SLC25A21: variants seen among roughly 807,000 people sequenced by gnomAD.
SLC25A21 encodes solute carrier family 25 member 21.
Under a neutral mutation model 43.8 loss-of-function variants are expected in SLC25A21, and 47 were observed. The ratio of observed to expected loss-of-function variants is 1.07; its 90% CI spans 0.85 to 1.37. The LOEUF is 1.37. SLC25A21 is among the 40% of genes most tolerant of loss of function. The pLI is 0.00. For missense variants in SLC25A21, 352 were observed against 350.2 expected, an observed-to-expected ratio of 1.00 and a Z score of -0.04; for synonymous variants, 131 against 121.3, an observed-to-expected ratio of 1.08 and a Z score of -0.52.
rs778987770 is a variant in SLC25A21, at chr14:36,680,645, A to ACTT, written c.*10_*12dup. The ACTT allele has an allele frequency of 6.8e-6, 11 of 1,610,852 alleles. No individual in the cohort carries two copies. The highest frequency in any genetic ancestry group is 6.7e-5 in the South Asian group (6 of 90,186). ...ATCCATTATCTCAAGGGGGAAAAAC[A>ACTT]CTTCATAGGCAATCACCAGTTCTCT... On this transcript the variant is annotated 3_prime_UTR_variant, in exon 10 of 10. Transcript: ENST00000331299.
intron 7 of SLC25A21, among the ~76,000 whole-genome samples, chr14:36,688,622 C>T (rs1308894954): frequency 2.0e-5 from 3 of 152,232 alleles, no homozygotes; most frequent in African/African-American, 4.8e-5. Context: ...CAGAACCCTA[C>T]ATTTCCAGCC....
In SLC25A21 at chr14:36,746,341, A is replaced by G. The variant is rs576118703; in HGVS notation, c.204-11768T>C. On this transcript the variant is annotated intron_variant, in intron 3 of 9. Transcript: ENST00000331299. The stretch of plus-strand genomic sequence containing the variant: ...CCACTATCCTAAAGTGGGATGACTT[A>G]GAAACAGAAAGTCAAAAAACTTCGT... 2.0e-5 allele frequency among the ~76,000 whole-genome samples: 3 copies of G among 150,368 alleles called. No individual in the cohort carries two copies. The East Asian group carries it at 6.0e-4, about 30-fold the overall frequency.
intron 3 of SLC25A21, among the ~76,000 whole-genome samples, chr14:36,806,450 T>G (rs1477842989): frequency 6.6e-6 from 1 of 152,156 alleles, no homozygotes; most frequent in African/African-American, 2.4e-5. Context: ...TTCATCACCA[T>G]ACATTGCATG....
At chr14:36,814,808 C>T (rs900000008) in intron 2 of SLC25A21, among the ~76,000 whole-genome samples, 3 of 152,270 alleles carry the variant, frequency 2.0e-5, no homozygotes, top group Non-Finnish European at 2.9e-5. Context: ...ACCCAGCAAT[C>T]CCATTACCGG....
intron 1 of SLC25A21, among the ~76,000 whole-genome samples, chr14:37,156,479 C>T (rs11849662): frequency 0.013 from 1,916 of 152,048 alleles, 36 homozygotes; most frequent in African/African-American, 0.043. Flanking sequence ...TGATACAGAA[C>T]GGCTAAACAG....
chr14:37,033,843 A>G (rs1404936261), intron 1 of SLC25A21, among the ~76,000 whole-genome samples: 1 of 152,186 alleles, frequency 6.6e-6, no homozygotes, highest in African/African-American at 2.4e-5. Context: ...AATAACATTT[A>G]CATCTCAAAG....
intron 1 of SLC25A21, among the ~76,000 whole-genome samples, chr14:37,035,451 A>C (rs1012018705): frequency 1.3e-5 from 2 of 152,272 alleles, no homozygotes; most frequent in Non-Finnish European, 2.9e-5. Context: ...CTGTTATTAC[A>C]GAGTGATAAA....
At chr14:36,725,450 G>T in intron 6 of SLC25A21, 120 bp downstream of exon 6, 1 of 401,120 alleles carries the variant, frequency 2.5e-6, no homozygotes, top group Non-Finnish European at 3.7e-6. Flanking sequence ...ACTCCAGCCT[G>T]GGCAACAAGA....
At chr14:37,157,906 T>C (rs1277529172) in intron 1 of SLC25A21, among the ~76,000 whole-genome samples, 1 of 151,962 alleles carries the variant, frequency 6.6e-6, no homozygotes, top group Non-Finnish European at 1.5e-5. Context: ...AAATGAAACA[T>C]TACAACTGAT....
intron 1 of SLC25A21, among the ~76,000 whole-genome samples, chr14:36,902,648 G>A (rs1218385706): frequency 1.3e-5 from 2 of 152,140 alleles, no homozygotes; most frequent in East Asian, 3.8e-4. Flanking sequence ...CGGCAGAGGA[G>A]GCCATGACTT....
At chr14:37,118,991 G>C (rs1377720352) in intron 1 of SLC25A21, among the ~76,000 whole-genome samples, 3 of 152,100 alleles carry the variant, frequency 2.0e-5, no homozygotes, top group Non-Finnish European at 4.4e-5. Context: ...ACAGCATGCA[G>C]TTAAGAAGCT....
Position 37,142,740 on chromosome 14 carries a change from G to A in SLC25A21, c.70+29541C>T, listed in dbSNP as rs143359891. 6.3e-3 allele frequency among the ~76,000 whole-genome samples: 965 copies of A among 152,228 alleles called. 6 individuals are homozygous for A. Among genetic ancestry groups the A allele is most frequent in the African/African-American group, 0.02 (833 of 41,538 alleles). Reference sequence around the variant, plus strand: ...GAGGATACACAACCACTGAAATTAGGCAGATATTAGAAATGTCCGTTTTTC... The same window carrying A: ...GAGGATACACAACCACTGAAATTAGACAGATATTAGAAATGTCCGTTTTTC... On this transcript the variant is annotated intron_variant, in intron 1 of 9. Coordinates refer to ENST00000331299, the MANE Select transcript of SLC25A21 (RefSeq NM_030631.4).
intron 2 of SLC25A21, among the ~76,000 whole-genome samples, chr14:36,856,128 G>A (rs1160677209): frequency 6.6e-6 from 1 of 152,136 alleles, no homozygotes; most frequent in African/African-American, 2.4e-5. Context: ...CTGGGGGAAG[G>A]GAAAAGCAGG....
At chr14:37,141,604 T>G (rs1963571420) in intron 1 of SLC25A21, among the ~76,000 whole-genome samples, 1 of 152,222 alleles carries the variant, frequency 6.6e-6, no homozygotes, top group African/African-American at 2.4e-5. Flanking sequence ...TACCGGCTAT[T>G]TTATCATTTT....
At chr14:37,030,212 A>G (rs1961181788) in intron 1 of SLC25A21, among the ~76,000 whole-genome samples, 1 of 152,202 alleles carries the variant, frequency 6.6e-6, no homozygotes, top group African/African-American at 2.4e-5. Context: ...GTGGAAGTAG[A>G]TCATCATAAA....
chr14:37,122,299 C>T (rs1427512596), intron 1 of SLC25A21, among the ~76,000 whole-genome samples: 1 of 152,178 alleles, frequency 6.6e-6, no homozygotes, highest in Non-Finnish European at 1.5e-5. Context: ...ATTTTCATGT[C>T]TAAATTCTTT....
intron 3 of SLC25A21, among the ~76,000 whole-genome samples, chr14:36,776,165 C>G (rs372755096): frequency 6.6e-6 from 1 of 151,530 alleles, no homozygotes; most frequent in East Asian, 1.9e-4. Context: ...CACAACCACA[C>G]TCAATCCATC....
chr14:36,760,022 T>C (rs1306859389), intron 3 of SLC25A21, among the ~76,000 whole-genome samples: 1 of 152,142 alleles, frequency 6.6e-6, no homozygotes, highest in Non-Finnish European at 1.5e-5. Context: ...TTTCCTTATG[T>C]CATCTTCATA....
intron 7 of SLC25A21, among the ~76,000 whole-genome samples, chr14:36,693,928 T>C (rs1225090179): frequency 6.6e-6 from 1 of 152,204 alleles, no homozygotes; most frequent in Non-Finnish European, 1.5e-5. Flanking sequence ...AAATTATTAT[T>C]ATACTTTAAG....
Sources: allele counts gnomAD v4.1 joint callset (sites outside exome capture counted in the v4.1 genomes callset), GRCh38; gene constraint gnomAD v4.1.1; transcripts MANE v1.5; gene names NCBI Gene and HGNC (gene_info 2026-07-23, HGNC 2026-07-21).